C10orf88: variants seen among roughly 807,000 people sequenced by gnomAD.
C10orf88 encodes chromosome 10 open reading frame 88, also known as ATPase PAAT.
C10orf88 carries 29 observed loss-of-function variants against 34.2 expected under a neutral mutation model. The ratio of observed to expected loss-of-function variants is 0.85; its 90% CI spans 0.63 to 1.16. The LOEUF (loss-of-function observed/expected upper bound fraction) is 1.16. C10orf88 is among the 50% of genes most tolerant of loss of function. The pLI is 0.00. For missense variants in C10orf88, 507 were observed against 533.2 expected, an observed-to-expected ratio of 0.95 and a Z score of 0.48; for synonymous variants, 194 against 197.4, an observed-to-expected ratio of 0.98 and a Z score of 0.15.
intron 1 of C10orf88, among the ~76,000 whole-genome samples, chr10:122,953,743 G>A (rs894604593): frequency 1.4e-5 from 2 of 145,822 alleles, no homozygotes; most frequent in Non-Finnish European, 3.0e-5. Context: ...GCAGCCCTGA[G>A]GGGCTATCAC....
chr10:122,941,762 C>T (rs990994820), intron 4 of C10orf88, among the ~76,000 whole-genome samples: 1 of 152,128 alleles, frequency 6.6e-6, no homozygotes, highest in African/African-American at 2.4e-5. Flanking sequence ...TGTTTATCAC[C>T]TTCTTTCTTC....
intron 3 of C10orf88, among the ~76,000 whole-genome samples, chr10:122,951,713 T>C (rs1186629098): frequency 6.6e-6 from 1 of 152,140 alleles, no homozygotes; most frequent in Admixed American, 6.5e-5. Context: ...ATGCCTGTAG[T>C]CCCAGCTACT....
rs767097007 is a variant in C10orf88 at position 122,948,822 on chromosome 10, T to A, written c.475A>T (p.Ile159Phe). ...CTCATGTGTACCACAACTTTACTGATGAACACACACTGCCTTTCGCCAAAG... is the reference window on the plus strand; with the variant it reads ...CTCATGTGTACCACAACTTTACTGAAGAACACACACTGCCTTTCGCCAAAG... ...LSFGERQCVF[I>F]SKVVVHMRSV... is the part of the protein sequence containing the mutation. Residue 159 changes from isoleucine to phenylalanine, a missense_variant, in exon 4 of 6, where the codon ATC becomes TTC. Ile to Phe is a conservative substitution (Grantham distance 21). Transcript: ENST00000481909. 3 of 1,613,356 alleles carry A rather than the reference T, an allele frequency of 1.9e-6. No homozygotes were observed. The highest frequency in any genetic ancestry group is 2.5e-6 in the Non-Finnish European group (3 of 1,179,864).
rs371571886 is a variant in C10orf88 at position 122,952,886 on chromosome 10, C to T, written c.311G>A (p.Gly104Glu). 4.3e-6 allele frequency: 7 copies of T among 1,614,206 alleles called. No homozygotes were observed. Among genetic ancestry groups the T allele is most frequent in the Non-Finnish European group, 5.9e-6 (7 of 1,180,022 alleles). Residue 104 changes from glycine (G) to glutamate (E), a missense_variant, in exon 2 of 6, where the codon GGA becomes GAA. Physicochemically the swap from Gly to Glu is moderately conservative, Grantham distance 98. Coordinates refer to ENST00000481909, the MANE Select transcript of C10orf88 (RefSeq NM_024942.4). ...CCTACTGGTTCCACAGTACTCCTCT[C>T]CTAAGTACACTTCCATATTTCTTGC... Reference protein sequence around the residue: ...SSARNMEVYLGEEYCGTSRGK... With the variant: ...SSARNMEVYLEEEYCGTSRGK...
chr10:122,943,141 A>C (rs929676366), intron 4 of C10orf88, among the ~76,000 whole-genome samples: 1 of 150,270 alleles, frequency 6.7e-6, no homozygotes, highest in African/African-American at 2.5e-5. Flanking sequence ...AGGCTACAGT[A>C]ACCAAAACAG....
chr10:122,952,693 A>G (rs926944127), intron 2 of C10orf88, 136 bp downstream of exon 2: 4 of 1,017,140 alleles, frequency 3.9e-6, no homozygotes, highest in East Asian at 5.1e-5. Flanking sequence ...GTAAACTTCT[A>G]TGCCTACTGG....
intron 4 of C10orf88, among the ~76,000 whole-genome samples, chr10:122,944,994 A>ATG (rs1296827680): frequency 4.0e-5 from 4 of 100,148 alleles, no homozygotes; most frequent in African/African-American, 1.4e-4. Context: ...GTGTATATAT[A>ATG]TGTGTATATA....
At chr10:122,938,194 TA>T in intron 4 of C10orf88, 35 bp from the exon 5 acceptor site, 1 of 1,498,356 alleles carries the variant, frequency 6.7e-7, no homozygotes, top group Admixed American at 2.1e-5. Context: ...TTAATATTAA[TA>T]ACACTGACAG....
At chr10:122,939,387 G>A (rs1244031880) in intron 4 of C10orf88, among the ~76,000 whole-genome samples, 2 of 151,800 alleles carry the variant, frequency 1.3e-5, no homozygotes, top group Admixed American at 1.3e-4. Context: ...AGGAAAAAAT[G>A]TATCATGAAA....
Position 122,941,232 on chromosome 10 carries a change from G to T in C10orf88, c.649-3073C>A, listed in dbSNP as rs1379348009. 3.3e-5 allele frequency among the ~76,000 whole-genome samples: 5 copies of T among 152,104 alleles called. No homozygotes were observed. In the South Asian group the frequency reaches 8.3e-4, roughly 25 times the overall value. On this transcript the variant is annotated intron_variant, in intron 4 of 5. Transcript: ENST00000481909. ...ATGACAATCATATGCTACACCCTTT[G>T]ATATAGAATTCCTATTCAAGAATTC...
Position 122,932,418 on chromosome 10 carries a change from G to A in C10orf88, c.*9C>T. ...TAAATATCTGCAGTACACTGTTTATGTTGAGAGCTTATCTTTCTCCATTTG... is the reference window on the plus strand; with the variant it reads ...TAAATATCTGCAGTACACTGTTTATATTGAGAGCTTATCTTTCTCCATTTG... On this transcript the variant is annotated 3_prime_UTR_variant, in exon 6 of 6. Coordinates refer to ENST00000481909, the MANE Select transcript of C10orf88 (RefSeq NM_024942.4). 1 of 1,597,244 alleles carries A rather than the reference G, an allele frequency of 6.3e-7. No homozygotes were observed. The highest frequency in any genetic ancestry group is 1.1e-5 in the South Asian group (1 of 90,486).
chr10:122,940,903 A>G (rs561263755), intron 4 of C10orf88, among the ~76,000 whole-genome samples: 2 of 152,210 alleles, frequency 1.3e-5, no homozygotes, highest in South Asian at 4.1e-4. Context: ...AACTGTGTCC[A>G]TATACTTACA....
Position 122,937,715 on chromosome 10 carries a change from G to C in C10orf88, c.1093C>G (p.Leu365Val). The C allele has an allele frequency of 1.2e-6, 2 of 1,603,032 alleles. No individual in the cohort carries two copies. The highest frequency in any genetic ancestry group is 1.7e-6 in the Non-Finnish European group (2 of 1,174,198). Residue 365 changes from leucine (L) to valine (V), a missense_variant, in exon 5 of 6, where the codon CTT becomes GTT. Coordinates refer to ENST00000481909, the MANE Select transcript of C10orf88 (RefSeq NM_024942.4). ...TAAAATAATACTTACCCAACACCAA[G>C]AATGCGTTCACCATGCTTGGTGATG... Reference protein sequence around the residue: ...ENITKHGERILGVGMEEQSIC... With the variant: ...ENITKHGERIVGVGMEEQSIC...
intron 4 of C10orf88, among the ~76,000 whole-genome samples, chr10:122,945,040 GTA>G (rs1375209113): frequency 4.5e-4 from 68 of 149,970 alleles, no homozygotes; most frequent in African/African-American, 1.3e-3. Flanking sequence ...GTATATATGT[GTA>G]TATATATATG....
chr10:122,932,404 A>G lies in C10orf88; in HGVS notation c.*23T>C, dbSNP rs141443873. 107 of 1,551,886 alleles carry G rather than the reference A, an allele frequency of 6.9e-5. No individual in the cohort carries two copies. In the African/African-American group the frequency reaches 1.4e-3, roughly 20 times the overall value. On this transcript the variant is annotated 3_prime_UTR_variant, in exon 6 of 6. Coordinates refer to ENST00000481909, the MANE Select transcript of C10orf88 (RefSeq NM_024942.4). ...TAATAAATATGTAATAAATATCTGC[A>G]GTACACTGTTTATGTTGAGAGCTTA...
rs1159650773 is a variant in C10orf88 at position 122,932,542 on chromosome 10, A to G, written c.1223T>C (p.Ile408Thr). 3.7e-6 allele frequency: 6 copies of G among 1,613,854 alleles called. No homozygotes were observed. The highest frequency in any genetic ancestry group is 2.7e-5 in the African/African-American group (2 of 74,904). The stretch of plus-strand genomic sequence containing the variant: ...CAGTAACAAAGCAATCTTATCATCA[A>G]TGTGCTCCTGGAGTTCATGTATTCG... The part of the protein sequence containing the change: ...DQRIHELQEH[I>T]DDKIALLLDL... The change falls in exon 6 of 6, where the codon ATT (isoleucine) becomes ACT (threonine). Residue 408 changes from isoleucine to threonine, a missense_variant. Physicochemically the swap from Ile to Thr is moderately conservative, Grantham distance 89. Transcript: ENST00000481909.
intron 4 of C10orf88, among the ~76,000 whole-genome samples, chr10:122,945,727 T>C (rs921970885): frequency 6.6e-6 from 1 of 152,138 alleles, no homozygotes; most frequent in African/African-American, 2.4e-5. Context: ...AGCTATACAA[T>C]GAGTTTGTGT....
At chr10:122,933,027 TAA>T (rs1848498895) in intron 5 of C10orf88, among the ~76,000 whole-genome samples, 1 of 152,174 alleles carries the variant, frequency 6.6e-6, no homozygotes, top group Non-Finnish European at 1.5e-5. Flanking sequence ...ACCAACTCTA[TAA>T]AGTTTTTCTT....
At chr10:122,944,194 C>A (rs576923677) in intron 4 of C10orf88, among the ~76,000 whole-genome samples, 3,163 of 151,704 alleles carry the variant, frequency 0.021, 127 homozygotes, top group African/African-American at 0.071. Flanking sequence ...ACTATGCAGC[C>A]ATAAAAAATG....
Sources: gnomAD v4.1 joint callset for allele counts (sites outside exome capture counted in the v4.1 genomes callset) on GRCh38, gnomAD v4.1.1 for gene constraint, MANE v1.5 for transcripts, NCBI Gene and HGNC (gene_info 2026-07-23, HGNC 2026-07-21) for gene names.